NAA11: variants seen among roughly 807,000 people sequenced by gnomAD.
NAA11 encodes the protein N-alpha-acetyltransferase 11.
In NAA11, 15 loss-of-function variants were observed where a neutral mutation model predicts 16.1. The observed-to-expected ratio is 0.93, with a 90% CI of 0.62 to 1.44. The LOEUF is 1.44. Ranked by LOEUF, NAA11 falls within the 40% of genes most tolerant of loss-of-function variation. The probability of loss-of-function intolerance (pLI) is 0.00; values close to 1 mark genes in which losing one functional copy is unlikely to be tolerated. For synonymous variants in NAA11, 122 were observed against 112.4 expected (o/e 1.09, Z -0.54); for missense variants, 298 against 291.3 (o/e 1.02, Z -0.17).
intron 1 of NAA11, among the ~76,000 whole-genome samples, chr4:79,323,647 C>G (rs1208545418): frequency 6.6e-6 from 1 of 152,070 alleles, no homozygotes. Flanking sequence ...AGTGAAACCC[C>G]GTCTCTACTA....
chr4:79,247,915 G>T (rs527306470), intron 2 of NAA11, among the ~76,000 whole-genome samples: 3 of 152,280 alleles, frequency 2.0e-5, no homozygotes, highest in Non-Finnish European at 4.4e-5. Context: ...ACTCCAGCTG[G>T]CACAGATCCC....
intron 2 of NAA11, among the ~76,000 whole-genome samples, chr4:79,272,251 C>T (rs1578173043): frequency 1.3e-5 from 2 of 152,098 alleles, no homozygotes; most frequent in South Asian, 4.1e-4. Context: ...ATAGCATCTA[C>T]AGATTCATAT....
chr4:79,272,715 G>C (rs911887403), intron 2 of NAA11, among the ~76,000 whole-genome samples: 1 of 151,986 alleles, frequency 6.6e-6, no homozygotes, highest in Non-Finnish European at 1.5e-5. Flanking sequence ...AGAAAGTAAG[G>C]TGGGGGCTAT....
the NAA11 span, among the ~76,000 whole-genome samples, chr4:79,215,077 A>G: frequency 1.3e-5 from 2 of 152,216 alleles, no homozygotes; most frequent in African/African-American, 4.8e-5. Context: ...CATATTGTTC[A>G]TCAAAGTCAG....
At chr4:79,182,729 A>G in the NAA11 span, among the ~76,000 whole-genome samples, 1 of 152,154 alleles carries the variant, frequency 6.6e-6, no homozygotes, top group Non-Finnish European at 1.5e-5. Flanking sequence ...ATGCTTCTCA[A>G]CAATGGGGGG....
At chr4:79,229,462 T>C (rs1023885327) in intron 2 of NAA11, among the ~76,000 whole-genome samples, 1 of 151,920 alleles carries the variant, frequency 6.6e-6, no homozygotes. Flanking sequence ...ATGAGAAAAT[T>C]AGTTTCAAAG....
At chr4:79,208,945 AAAC>A in the NAA11 span, among the ~76,000 whole-genome samples, 4 of 149,132 alleles carry the variant, frequency 2.7e-5, no homozygotes, top group African/African-American at 7.3e-5. Context: ...AAAAAAAAAA[AAAC>A]CCCAAAAAAC....
the NAA11 span, among the ~76,000 whole-genome samples, chr4:79,172,048 G>T: frequency 6.6e-6 from 1 of 152,048 alleles, no homozygotes; most frequent in Non-Finnish European, 1.5e-5. Flanking sequence ...ATGAACAATA[G>T]GAAAGGCAGA....
chr4:79,297,122 G>A (rs1457952987), intron 1 of NAA11, among the ~76,000 whole-genome samples: 1 of 152,294 alleles, frequency 6.6e-6, no homozygotes, highest in East Asian at 1.9e-4. Flanking sequence ...CTGCATCCTG[G>A]CCATGCAGTT....
At chr4:79,268,641 G>A (rs1392750329) in intron 2 of NAA11, among the ~76,000 whole-genome samples, 1 of 152,086 alleles carries the variant, frequency 6.6e-6, no homozygotes, top group Non-Finnish European at 1.5e-5. Flanking sequence ...TCAAATGACT[G>A]CATAAGGAAT....
intron 2 of NAA11, among the ~76,000 whole-genome samples, chr4:79,233,740 C>G (rs189205643): frequency 4.9e-4 from 74 of 152,180 alleles, no homozygotes; most frequent in African/African-American, 1.7e-3. Context: ...TCTATTCCCC[C>G]ACATGATCCA....
chr4:79,315,149 A>G (rs1723889605), downstream of NAA11, among the ~76,000 whole-genome samples: 1 of 152,080 alleles, frequency 6.6e-6, no homozygotes, highest in South Asian at 2.1e-4. Context: ...TGAGCAATGT[A>G]GGAACTAGTT....
intron 2 of NAA11, among the ~76,000 whole-genome samples, chr4:79,258,576 G>GA (rs1367493469): frequency 6.6e-6 from 1 of 152,224 alleles, no homozygotes. Context: ...GGAAGCTGAT[G>GA]GAGGAACTGA....
chr4:79,220,890 G>A (rs890296262), downstream of NAA11, among the ~76,000 whole-genome samples: 12 of 151,990 alleles, frequency 7.9e-5, 1 homozygote, highest in African/African-American at 2.4e-4. Context: ...ATTTAAAGTA[G>A]TTTTTTCCAA....
chr4:79,210,364 G>A, the NAA11 span, among the ~76,000 whole-genome samples: 139 of 152,254 alleles, frequency 9.1e-4, no homozygotes, highest in African/African-American at 3.2e-3. Flanking sequence ...AGGGTAGAAT[G>A]TTGCAAGGCT....
intron 2 of NAA11, among the ~76,000 whole-genome samples, chr4:79,234,884 G>T (rs1721538441): frequency 6.6e-6 from 1 of 152,022 alleles, no homozygotes; most frequent in African/African-American, 2.4e-5. Flanking sequence ...TTCTAGTAAG[G>T]CTAAAGGATC....
the NAA11 span, among the ~76,000 whole-genome samples, chr4:79,165,809 T>C: frequency 6.6e-6 from 1 of 152,224 alleles, no homozygotes; most frequent in Non-Finnish European, 1.5e-5. Context: ...GACTTGGCTG[T>C]GATTTTAAAT....
chr4:79,239,136 G>A (rs1366783312), intron 2 of NAA11, among the ~76,000 whole-genome samples: 1 of 152,190 alleles, frequency 6.6e-6, no homozygotes, highest in African/African-American at 2.4e-5. Context: ...GAGTTGGCAA[G>A]GCTTGGGAGT....
exon 3 of NAA11, chr4:79,226,243 C>G (rs142952479): frequency 6.6e-6 from 1 of 152,076 alleles, no homozygotes; most frequent in Non-Finnish European, 1.5e-5. Flanking sequence ...TTAGGTTGTG[C>G]TGTCTCAGAT....
Sources: gnomAD v4.1 joint callset for allele counts (sites outside exome capture counted in the v4.1 genomes callset) on GRCh38, gnomAD v4.1.1 for gene constraint, MANE v1.5 for transcripts, NCBI Gene and HGNC (gene_info 2026-07-23, HGNC 2026-07-21) for gene names.